Variants in SGCD observed in about 807,000 individuals in gnomAD.
SGCD encodes sarcoglycan delta.
In SGCD, 18 loss-of-function variants were observed where a neutral mutation model predicts 36.6. The ratio of observed to expected loss-of-function variants is 0.49; its 90% confidence interval spans 0.34 to 0.73. The LOEUF is 0.73. SGCD is among the 30% of genes least tolerant of loss of function. The pLI, the probability that SGCD is intolerant of heterozygous loss-of-function variation, is 0.01. For missense variants in SGCD, 387 were observed against 346.7 expected (o/e 1.12, Z -0.92); for synonymous variants, 133 against 130.6 (o/e 1.02, Z -0.12).
At chr5:155,866,863 A>G (rs915492894), upstream of SGCD, among the ~76,000 whole-genome samples, 2 of 152,188 alleles carry the variant, frequency 1.3e-5, no homozygotes, top group Non-Finnish European at 2.9e-5. Context: ...ACGCATGCGT[A>G]CACAATGGTA....
At chr5:155,761,729 A>G in the SGCD span, among the ~76,000 whole-genome samples, 1 of 143,646 alleles carries the variant, frequency 7.0e-6, no homozygotes, top group South Asian at 2.3e-4. Flanking sequence ...CATCTTCACC[A>G]TTGCCCTTTC....
Position 156,107,761 on chromosome 5 carries a change from T to C in SGCD, c.-281-10117T>C, listed in dbSNP as rs75064236. On this transcript the variant is annotated intron_variant, in intron 1 of 9. Transcript: ENST00000517913. ...TTGTGCAAGTTAATATTTTCTGCCG[T>C]TTATAGATTTATGTCTACTAATGTT... is the stretch of plus-strand genomic sequence containing the variant. Among the ~76,000 whole-genome samples, 88 of 152,268 alleles carry C rather than the reference T, an allele frequency of 5.8e-4. 1 individual carries two copies. In the East Asian group the frequency reaches 0.01, roughly 18 times the overall value.
At chr5:156,734,237 C>A (rs1214697775) in intron 7 of SGCD, among the ~76,000 whole-genome samples, 5 of 151,934 alleles carry the variant, frequency 3.3e-5, no homozygotes, top group Middle Eastern at 3.2e-3. Context: ...AGGGTTTCTG[C>A]TGAAAGGTCT....
intron 4 of SGCD, among the ~76,000 whole-genome samples, chr5:156,547,441 C>A (rs934651514): frequency 6.9e-6 from 1 of 145,186 alleles, no homozygotes; most frequent in African/African-American, 2.5e-5. Flanking sequence ...GATAATATGA[C>A]TTTTTTTTTT....
intron 3 of SGCD, among the ~76,000 whole-genome samples, chr5:156,425,236 C>G (rs896437936): frequency 6.6e-6 from 1 of 151,868 alleles, no homozygotes; most frequent in Non-Finnish European, 1.5e-5. Context: ...ATGAGAAAAC[C>G]AAGAATTTAA....
At chr5:156,000,830 C>T (rs965193296) in intron 1 of SGCD, among the ~76,000 whole-genome samples, 47 of 151,092 alleles carry the variant, frequency 3.1e-4, no homozygotes, top group Admixed American at 2.8e-3. Context: ...GCCCTCCCCA[C>T]CCTTTCAGTT....
At chr5:156,674,511 A>G (rs368688516) in intron 7 of SGCD, among the ~76,000 whole-genome samples, 24 of 152,332 alleles carry the variant, frequency 1.6e-4, no homozygotes, top group African/African-American at 5.5e-4. Flanking sequence ...CTGAAGTGGT[A>G]AACGATCTCC....
intron 4 of SGCD, among the ~76,000 whole-genome samples, chr5:156,511,318 T>C (rs188195795): frequency 6.6e-6 from 1 of 152,228 alleles, no homozygotes; most frequent in Non-Finnish European, 1.5e-5. Flanking sequence ...ATTCATTCAC[T>C]CTTCTGCATC....
At chr5:156,451,208 A>G (rs1413742771) in intron 3 of SGCD, among the ~76,000 whole-genome samples, 23 of 151,942 alleles carry the variant, frequency 1.5e-4, no homozygotes, top group Admixed American at 1.5e-3. Flanking sequence ...GGGTTCAGTG[A>G]GGCATTTAAC....
At position 156,344,554 on chromosome 5, in the gene SGCD, C is replaced by G; in HGVS notation, c.69C>G (p.Tyr23Ter). The change falls in exon 3 of 9, where the codon TAC becomes TAG. Residue 23 changes from tyrosine (Y) to a stop codon, truncating the protein, a stop_gained. Transcript: ENST00000337851. LOFTEE classifies it high-confidence loss of function. ...CTGGCTCTGTGGGGCCACAGGTATA[C>G]AAGGTGGGGATTTATGGCTGGCGGA... ...TMPGSVGPQV[Y>*]KVGIYGWRKR... is the part of the protein sequence containing the mutation. 5.0e-6 allele frequency: 8 copies of G among 1,611,948 alleles called. No homozygotes were observed. The highest frequency in any genetic ancestry group is 6.8e-6 in the Non-Finnish European group (8 of 1,178,816).
chr5:156,634,807 C>T (rs565783684), intron 6 of SGCD, among the ~76,000 whole-genome samples: 1 of 152,248 alleles, frequency 6.6e-6, no homozygotes, highest in African/African-American at 2.4e-5. Flanking sequence ...TGCAAAGGGC[C>T]TTCCCACCTG....
At chr5:155,956,048 A>G (rs1051568246) in intron 1 of SGCD, among the ~76,000 whole-genome samples, 1 of 151,428 alleles carries the variant, frequency 6.6e-6, no homozygotes, top group East Asian at 2.0e-4. Flanking sequence ...TTGCATTGCC[A>G]CTCTAAAAAT....
chr5:155,892,402 C>T lies in SGCD; in HGVS notation c.-282+21978C>T, dbSNP rs1756153505. On this transcript the variant is annotated intron_variant, in intron 1 of 9. Coordinates refer to the SGCD transcript ENST00000517913. ...CACAGGAGGTGAAGGTTGCAGTGAGCCAAGATCGCGCCACTGCACTCCAGT... is the reference window on the plus strand; with the variant it reads ...CACAGGAGGTGAAGGTTGCAGTGAGTCAAGATCGCGCCACTGCACTCCAGT... Among the ~76,000 whole-genome samples, 8 of 142,052 alleles carry T rather than the reference C, an allele frequency of 5.6e-5. No homozygotes were observed. The South Asian group carries it at 1.8e-3, about 32-fold the overall frequency. The allele number at this position is 142,052 out of a possible 152,430, so 93.2% of individuals were successfully genotyped here.
intron 1 of SGCD, among the ~76,000 whole-genome samples, chr5:155,902,492 CTTTT>C (rs199934174): frequency 7.0e-4 from 107 of 152,064 alleles, no homozygotes; most frequent in African/African-American, 2.5e-3. Flanking sequence ...AGGTTCGTTA[CTTTT>C]TTTTATCAGG....
intron 1 of SGCD, among the ~76,000 whole-genome samples, chr5:156,085,092 T>C (rs1480661586): frequency 7.0e-6 from 1 of 143,084 alleles, no homozygotes; most frequent in Non-Finnish European, 1.5e-5. Flanking sequence ...TTGGAGTTGG[T>C]TTACTAATTT....
intron 3 of SGCD, among the ~76,000 whole-genome samples, chr5:156,295,717 C>T (rs1766875529): frequency 6.6e-6 from 1 of 152,168 alleles, no homozygotes; most frequent in Non-Finnish European, 1.5e-5. Flanking sequence ...TTGACCATGA[C>T]CTGCTGTTCC....
At chr5:155,853,014 T>C in the SGCD span, among the ~76,000 whole-genome samples, 21 of 152,070 alleles carry the variant, frequency 1.4e-4, no homozygotes, top group Non-Finnish European at 5.9e-5. Flanking sequence ...ACTATTTCCT[T>C]TTGCATTTCC....
intron 6 of SGCD, among the ~76,000 whole-genome samples, chr5:156,599,957 G>A (rs1444805142): frequency 3.3e-5 from 5 of 152,208 alleles, no homozygotes; most frequent in Admixed American, 2.0e-4. Context: ...ACTACACAGT[G>A]TGTGTAGAGT....
chr5:155,821,008 C>T, the SGCD span, among the ~76,000 whole-genome samples: 7 of 151,988 alleles, frequency 4.6e-5, no homozygotes, highest in Non-Finnish European at 8.8e-5. Context: ...ATGTGAATTG[C>T]CAAGTCCAGC....
Sources: allele counts gnomAD v4.1 joint callset (sites outside exome capture counted in the v4.1 genomes callset), GRCh38; gene constraint gnomAD v4.1.1; transcripts MANE v1.5; gene names NCBI Gene and HGNC (gene_info 2026-07-23, HGNC 2026-07-21).